Variants in CNTN5 observed in about 807,000 individuals in gnomAD.
CNTN5 encodes contactin 5.
Under a neutral mutation model 129.1 loss-of-function variants are expected in CNTN5, and 77 were observed. The ratio of observed to expected loss-of-function variants is 0.60; its 90% confidence interval spans 0.50 to 0.72. The LOEUF is 0.72. Among genes scored for constraint, CNTN5 ranks in the 30% least tolerant of loss-of-function variants. The pLI, the probability that CNTN5 is intolerant of heterozygous loss-of-function variation, is 0.00. For missense variants in CNTN5, 1,478 were observed against 1,328.8 expected, an observed-to-expected ratio of 1.11 and a Z score of -1.75; for synonymous variants, 509 against 465.6, an observed-to-expected ratio of 1.09 and a Z score of -1.20.
At chr11:99,723,386 T>A (rs1026615059) in intron 3 of CNTN5, among the ~76,000 whole-genome samples, 11 of 152,140 alleles carry the variant, frequency 7.2e-5, no homozygotes, top group African/African-American at 2.4e-4. Context: ...GCAAGCACAC[T>A]ATATTCCCCT....
chr11:99,583,437 G>C (rs1415457892), intron 3 of CNTN5, among the ~76,000 whole-genome samples: 1 of 152,186 alleles, frequency 6.6e-6, no homozygotes, highest in African/African-American at 2.4e-5. Flanking sequence ...AGCCTACAAA[G>C]GCAGGCAGGC....
At chr11:99,585,674 C>T (rs748089298) in intron 3 of CNTN5, among the ~76,000 whole-genome samples, 2 of 151,886 alleles carry the variant, frequency 1.3e-5, no homozygotes, top group African/African-American at 2.4e-5. Context: ...TGTAAATGGG[C>T]CCTAATATCA....
intron 6 of CNTN5, among the ~76,000 whole-genome samples, chr11:99,871,037 T>C (rs1412244690): frequency 1.3e-5 from 2 of 152,130 alleles, no homozygotes; most frequent in African/African-American, 2.4e-5. Context: ...ATGCCTAATT[T>C]ATTTGTAAGT....
At chr11:99,419,958 G>A (rs915036483) in intron 2 of CNTN5, among the ~76,000 whole-genome samples, 5 of 152,006 alleles carry the variant, frequency 3.3e-5, no homozygotes, top group African/African-American at 2.4e-5. Context: ...TGAAAAAAAG[G>A]AGTCTCCGTC....
At chr11:100,175,359 G>A (rs978569628) in intron 13 of CNTN5, among the ~76,000 whole-genome samples, 1 of 152,066 alleles carries the variant, frequency 6.6e-6, no homozygotes, top group Non-Finnish European at 1.5e-5. Flanking sequence ...AAAGTGCCTT[G>A]TACAGTGCCT....
intron 16 of CNTN5, among the ~76,000 whole-genome samples, chr11:100,236,238 C>T (rs1163628230): frequency 6.6e-6 from 1 of 152,152 alleles, no homozygotes; most frequent in African/African-American, 2.4e-5. Flanking sequence ...TCTTTAAGCA[C>T]TCACTCATTG....
chr11:100,237,566 G>A (rs951937424), intron 16 of CNTN5, among the ~76,000 whole-genome samples: 2 of 152,028 alleles, frequency 1.3e-5, no homozygotes, highest in Non-Finnish European at 2.9e-5. Context: ...TAATGTCTCC[G>A]TTTCACTAAG....
intron 15 of CNTN5, among the ~76,000 whole-genome samples, chr11:100,218,834 C>T (rs530347525): frequency 6.0e-4 from 91 of 152,150 alleles, no homozygotes; most frequent in African/African-American, 2.0e-3. Flanking sequence ...AGATTAAGAA[C>T]GTGGACCATC....
chr11:99,582,797 ATCT>A lies in CNTN5; in HGVS notation c.55+26532_55+26534del, dbSNP rs1414432725. 1.3e-5 allele frequency among the ~76,000 whole-genome samples: 2 copies of A among 151,992 alleles called. 1 individual carries two copies. The highest frequency in any genetic ancestry group is 1.3e-4 in the Admixed American group (2 of 15,260). On this transcript the variant is annotated intron_variant, in intron 3 of 24. Transcript: ENST00000524871. ...TCCTCCTTTAGCTCAGAGTAGTTTG[ATCT>A]TCTGAAGCCTTCCTCTCTCAACTCG...
intron 3 of CNTN5, among the ~76,000 whole-genome samples, chr11:99,558,523 A>G (rs555144477): frequency 2.6e-4 from 40 of 152,098 alleles, no homozygotes; most frequent in African/African-American, 8.9e-4. Context: ...GTGTTCTATA[A>G]TAATACTGTA....
In CNTN5 at chr11:99,956,837, C is replaced by T. The variant is rs764850156; in HGVS notation, c.705C>T (p.Phe235=). 6.2e-7 allele frequency: 1 copy of T among 1,613,840 alleles called. No homozygotes were observed. The highest frequency in any genetic ancestry group is 8.5e-7 in the Non-Finnish European group (1 of 1,179,804). Residue 235 remains phenylalanine (F), a synonymous_variant, in exon 8 of 25, where the codon TTC becomes TTT. Coordinates refer to ENST00000524871, the MANE Select transcript of CNTN5 (RefSeq NM_014361.4). ...EIIYSWVFNE[F]PSFVAEDSRR... The stretch of plus-strand genomic sequence containing the variant: ...TCTATAGCTGGGTATTTAATGAGTT[C>T]CCTTCCTTTGTGGCGGAAGACAGCC...
At position 100,299,092 on chromosome 11, in the gene CNTN5, T is replaced by G. The variant is rs563849317; in HGVS notation, c.2386-70T>G. 19 of 1,045,792 alleles carry G rather than the reference T, an allele frequency of 1.8e-5. No individual in the cohort carries two copies. The African/African-American group carries it at 2.9e-4, about 16-fold the overall frequency. The allele number at this position is 1,045,792 out of a possible 1,614,324, so 64.8% of individuals were successfully genotyped here. A position where few individuals can be genotyped will look rare whatever the true frequency, so the allele number is the denominator to read the frequency against. ...CTAGCTATCTATAATTTTTTTTAAT[T>G]AAGAATTTGGAGAAAGTGGATTTTT... On this transcript the variant is annotated intron_variant, in intron 19 of 24. Transcript: ENST00000524871.
chr11:100,341,259 T>G, intron 23 of CNTN5, 54 bp downstream of exon 23: 1 of 1,309,438 alleles, frequency 7.6e-7, no homozygotes, highest in Non-Finnish European at 1.1e-6. Flanking sequence ...ATTGTTATTA[T>G]GAAGATGGAA....
intron 18 of CNTN5, among the ~76,000 whole-genome samples, chr11:100,281,802 A>G (rs1268417694): frequency 1.3e-5 from 2 of 151,826 alleles, no homozygotes; most frequent in Non-Finnish European, 2.9e-5. Context: ...TCTGACGTAT[A>G]TTTTCAAATA....
chr11:99,766,460 A>G (rs1350753913), intron 3 of CNTN5, among the ~76,000 whole-genome samples: 1 of 152,052 alleles, frequency 6.6e-6, no homozygotes, highest in Non-Finnish European at 1.5e-5. Flanking sequence ...AGGCTTGGGA[A>G]GATTATGGAT....
chr11:99,082,142 A>G (rs1018758307), intron 1 of CNTN5, among the ~76,000 whole-genome samples: 2 of 151,292 alleles, frequency 1.3e-5, no homozygotes, highest in African/African-American at 4.9e-5. Context: ...TGTGTTGCCA[A>G]TGCCAGTGGT....
At chr11:100,336,917 G>A in intron 21 of CNTN5, 1 of 611,580 alleles carries the variant, frequency 1.6e-6, no homozygotes, top group South Asian at 1.8e-5. Flanking sequence ...GTGAATACAT[G>A]CAGTCCCCGG....
At chr11:99,090,649 A>G (rs1866201826) in intron 1 of CNTN5, among the ~76,000 whole-genome samples, 1 of 151,960 alleles carries the variant, frequency 6.6e-6, no homozygotes, top group South Asian at 2.1e-4. Flanking sequence ...GCCTGAAAAA[A>G]AAAGAAATGT....
intron 3 of CNTN5, among the ~76,000 whole-genome samples, chr11:99,760,485 T>C (rs1944542556): frequency 6.6e-6 from 1 of 152,084 alleles, no homozygotes; most frequent in South Asian, 2.1e-4. Context: ...TCATACACTT[T>C]GGGTGAATTT....
Sources: gnomAD v4.1 joint callset for allele counts (sites outside exome capture counted in the v4.1 genomes callset) on GRCh38, gnomAD v4.1.1 for gene constraint, MANE v1.5 for transcripts, NCBI Gene and HGNC (gene_info 2026-07-23, HGNC 2026-07-21) for gene names.